HYCC2: variants seen among roughly 807,000 people sequenced by gnomAD.
HYCC2 encodes hyccin 2.
the HYCC2 span, among the ~76,000 whole-genome samples, chr2:201,030,466 TGTAG>T: frequency 1.3e-5 from 2 of 152,162 alleles, no homozygotes; most frequent in South Asian, 4.1e-4. Flanking sequence ...ATAACATGTA[TGTAG>T]GTAAATATGT....
At chr2:201,024,029 CTCTTT>C in the HYCC2 span, 13 of 1,597,782 alleles carry the variant, frequency 8.1e-6, no homozygotes, top group Admixed American at 3.3e-5. Context: ...CCTTCTACTC[CTCTTT>C]TATCTCTAAA....
At chr2:200,997,305 G>C in the HYCC2 span, 2 of 582,486 alleles carry the variant, frequency 3.4e-6, no homozygotes, top group Non-Finnish European at 6.2e-6. Context: ...TGAGGATAAG[G>C]ACTCCTACAG....
At chr2:201,033,213 G>GAC in the HYCC2 span, among the ~76,000 whole-genome samples, 1 of 149,472 alleles carries the variant, frequency 6.7e-6, no homozygotes, top group African/African-American at 2.5e-5. Flanking sequence ...GAGAGAGAGA[G>GAC]AGAGATGAGA....
At chr2:200,991,568 C>CAA in the HYCC2 span, among the ~76,000 whole-genome samples, 98 of 119,490 alleles carry the variant, frequency 8.2e-4, no homozygotes, top group Non-Finnish European at 1.6e-3. Context: ...GACTCCGTCT[C>CAA]AAAAAAAAAA....
the HYCC2 span, among the ~76,000 whole-genome samples, chr2:200,989,283 T>A: frequency 6.6e-6 from 1 of 152,194 alleles, no homozygotes; most frequent in Non-Finnish European, 1.5e-5. Context: ...ATGCCACCTC[T>A]ACTTAATTTA....
the HYCC2 span, among the ~76,000 whole-genome samples, chr2:201,023,442 C>G: frequency 6.6e-6 from 1 of 152,116 alleles, no homozygotes; most frequent in Non-Finnish European, 1.5e-5. Context: ...ACCATAAATA[C>G]TGATTAGAAA....
the HYCC2 span, among the ~76,000 whole-genome samples, chr2:201,059,978 A>AGGTTGCAG: frequency 7.2e-6 from 1 of 138,560 alleles, no homozygotes; most frequent in Non-Finnish European, 1.5e-5. Flanking sequence ...CGGGAGGCGG[A>AGGTTGCAG]GGTTGCAGTG....
At chr2:200,992,976 T>G in the HYCC2 span, 1 of 1,613,838 alleles carries the variant, frequency 6.2e-7, no homozygotes. Context: ...GTTTTTCATG[T>G]TGCCGTGGAA....
At chr2:201,042,046 C>T in the HYCC2 span, among the ~76,000 whole-genome samples, 1,461 of 152,278 alleles carry the variant, frequency 9.6e-3, 27 homozygotes, top group African/African-American at 0.033. Context: ...CGGCTCACTG[C>T]AGCCTCCCTG....
At chr2:201,012,952 TACACACACAC>T in the HYCC2 span, among the ~76,000 whole-genome samples, 8 of 146,316 alleles carry the variant, frequency 5.5e-5, no homozygotes, top group African/African-American at 1.5e-4. Context: ...TTTCAAAAAA[TACACACACAC>T]ACACACACAC....
At chr2:201,009,233 C>A in the HYCC2 span, 1 of 475,438 alleles carries the variant, frequency 2.1e-6, no homozygotes, top group Non-Finnish European at 3.8e-6. Flanking sequence ...GGTTCAGAAT[C>A]TTTCAACTGT....
At chr2:200,995,426 C>T in the HYCC2 span, among the ~76,000 whole-genome samples, 7 of 152,278 alleles carry the variant, frequency 4.6e-5, no homozygotes, top group Middle Eastern at 3.4e-3. Flanking sequence ...GTGGGATCTA[C>T]AGCTTGCTTC....
At chr2:201,022,800 T>C in the HYCC2 span, 1 of 1,341,526 alleles carries the variant, frequency 7.5e-7, no homozygotes, top group Non-Finnish European at 1.1e-6. Flanking sequence ...CATTTCACTA[T>C]GTAGAAATTA....
chr2:201,029,902 A>C, the HYCC2 span, among the ~76,000 whole-genome samples: 1 of 152,198 alleles, frequency 6.6e-6, no homozygotes, highest in Admixed American at 6.5e-5. Flanking sequence ...CACGTTGTGC[A>C]CATGTACCCT....
the HYCC2 span, among the ~76,000 whole-genome samples, chr2:201,013,380 G>GA: frequency 1.6e-4 from 24 of 150,460 alleles, no homozygotes; most frequent in African/African-American, 5.6e-4. Context: ...TAAGGCAGGA[G>GA]AATCACTTGA....
chr2:201,064,635 T>C, the HYCC2 span, among the ~76,000 whole-genome samples: 1 of 152,194 alleles, frequency 6.6e-6, no homozygotes, highest in Non-Finnish European at 1.5e-5. Context: ...ATAAAAGTGA[T>C]TGTTGGCACA....
At chr2:201,021,636 G>A in the HYCC2 span, 1 of 167,020 alleles carries the variant, frequency 6.0e-6, no homozygotes, top group African/African-American at 2.4e-5. Flanking sequence ...CTAGATTCTC[G>A]GGAAGTTACA....
the HYCC2 span, among the ~76,000 whole-genome samples, chr2:201,033,466 C>T: frequency 4.0e-5 from 6 of 151,506 alleles, no homozygotes; most frequent in Non-Finnish European, 5.9e-5. Flanking sequence ...TGCAGTGGCG[C>T]GATCTCGGCT....
chr2:200,999,436 A>T, the HYCC2 span, among the ~76,000 whole-genome samples: 1 of 151,784 alleles, frequency 6.6e-6, no homozygotes, highest in Non-Finnish European at 1.5e-5. Context: ...CCCAGGCTGA[A>T]GTATAATGGC....
Sources: allele counts gnomAD v4.1 joint callset (sites outside exome capture counted in the v4.1 genomes callset), GRCh38; gene constraint gnomAD v4.1.1; transcripts MANE v1.5; gene names NCBI Gene and HGNC (gene_info 2026-07-23, HGNC 2026-07-21).